CAMTA2: variants seen among roughly 807,000 people sequenced by gnomAD.
CAMTA2 encodes calmodulin-binding transcription activator 2.
Under a neutral mutation model 135.7 loss-of-function variants are expected in CAMTA2, and 56 were observed. The observed-to-expected ratio is 0.41, with a 90% CI of 0.33 to 0.52. The LOEUF (loss-of-function observed/expected upper bound fraction) is 0.52, where lower values mean the gene tolerates loss of function less well. CAMTA2 is among the 20% of genes least tolerant of loss of function. The pLI is 0.16. For synonymous variants in CAMTA2, 591 were observed against 604.6 expected (o/e 0.98, Z 0.33); for missense variants, 1,358 against 1,553.4 (o/e 0.87, Z 2.11).
intron 1 of CAMTA2, chr17:4,987,252 T>C: frequency 7.5e-7 from 1 of 1,339,334 alleles, no homozygotes; most frequent in Non-Finnish European, 9.5e-7. Context: ...CCCGGCGGAG[T>C]GGTGGTCCCA....
chr17:4,978,497 C>T lies in CAMTA2; in HGVS notation c.1765+7G>A, dbSNP rs775339524. 14 of 1,613,418 alleles carry T rather than the reference C, an allele frequency of 8.7e-6. No homozygotes were observed. Among genetic ancestry groups the T allele is most frequent in the Admixed American group, 1.7e-5 (1 of 59,968 alleles). Reference sequence around the variant, plus strand: ...GTCCCTCCCCCTACGGTTCCCAATCCTCATACCGGGACAGTAGCAGCGTAA... The same window carrying T: ...GTCCCTCCCCCTACGGTTCCCAATCTTCATACCGGGACAGTAGCAGCGTAA... On this transcript the variant is annotated splice_region_variant and intron_variant, in intron 10 of 22. Transcript: ENST00000348066.
chr17:4,977,990 G>A (rs1972719484), intron 10 of CAMTA2, among the ~76,000 whole-genome samples: 1 of 152,214 alleles, frequency 6.6e-6, no homozygotes, highest in Non-Finnish European at 1.5e-5. Context: ...AGTGAGACTG[G>A]GGAAGTGAAT....
chr17:4,983,168 G>T, intron 3 of CAMTA2, 125 bp from the exon 4 acceptor site: 1 of 793,306 alleles, frequency 1.3e-6, no homozygotes, highest in Non-Finnish European at 2.2e-6. Flanking sequence ...ATGCTTCTAG[G>T]TATCTGGACC....
Position 4,972,365 on chromosome 17 carries a change from G to A in CAMTA2, c.2675C>T (p.Pro892Leu). ...AGCCTCATAGTCCATGAGGAGTAGG[G>A]GGGCTTCTGGGACACCAGAGGAAAG... ...GQLSSGVPEA[P>L]LLLMDYEATN... is the part of the protein sequence containing the mutation. Residue 892 changes from proline (P) to leucine (L), a missense_variant, in exon 16 of 23, where the codon CCC (proline) becomes CTC (leucine). By Grantham distance (98) the Pro-to-Leu change is moderately conservative (BLOSUM62 -3). This residue lies in a region of CAMTA2 where 1,077 missense variants were observed against 1,127.5 expected (regional missense o/e 0.96). Coordinates refer to ENST00000348066, the MANE Select transcript of CAMTA2 (RefSeq NM_015099.4). 2 of 1,613,890 alleles carry A rather than the reference G, an allele frequency of 1.2e-6. No homozygotes were observed. The highest frequency in any genetic ancestry group is 1.7e-6 in the Non-Finnish European group (2 of 1,179,872).
intron 1 of CAMTA2, chr17:4,987,331 C>A: frequency 7.4e-7 from 1 of 1,345,002 alleles, no homozygotes; most frequent in Non-Finnish European, 9.5e-7. Context: ...GGAGCAGAGT[C>A]CGCGGGCACG....
At position 4,982,093 on chromosome 17, in the gene CAMTA2, A is replaced by C; in HGVS notation, c.407T>G (p.Leu136Arg). The C allele has an allele frequency of 6.2e-7, 1 of 1,611,178 alleles. No individual in the cohort carries two copies. Among genetic ancestry groups the C allele is most frequent in the South Asian group, 1.1e-5 (1 of 90,998 alleles). Residue 136 changes from leucine (L) to arginine (R), a missense_variant, in exon 6 of 23, where the codon CTC becomes CGC. Transcript: ENST00000348066. ...CCTGGGCTCTTCCGTCCTTACCTGGAGCAGCCAGTAGCAGCGCCGATGGAA... is the reference window on the plus strand; with the variant it reads ...CCTGGGCTCTTCCGTCCTTACCTGGCGCAGCCAGTAGCAGCGCCGATGGAA... ...PTFHRRCYWLLQNPDIVLVHY... is the reference protein window; with the variant it reads ...PTFHRRCYWLRQNPDIVLVHY...
chr17:4,983,093 A>C, intron 3 of CAMTA2, 50 bp from the exon 4 acceptor site: 4 of 1,493,088 alleles, frequency 2.7e-6, no homozygotes, highest in Non-Finnish European at 2.8e-6. Context: ...AGAGAGTCTC[A>C]GCCTGGCCTC....
Position 4,969,390 on chromosome 17 carries a change from A to G in CAMTA2, c.3283-53T>C. The G allele has an allele frequency of 6.2e-7, 1 of 1,609,884 alleles. No homozygotes were observed. The highest frequency in any genetic ancestry group is 8.5e-7 in the Non-Finnish European group (1 of 1,176,100). On this transcript the variant is annotated intron_variant, in intron 20 of 22. Transcript: ENST00000348066. This position sits in a 1 kb window ranked among gnomAD's most constrained non-coding sequence, Gnocchi z 5.6. ...GCTGAAATAGAGGGACGGAGACCCA[A>G]AGCCCTGAGGCTCACCCAAGTTAGG...
intron 13 of CAMTA2, 152 bp from the exon 14 acceptor site, chr17:4,973,405 A>G (rs1972425417): frequency 2.3e-6 from 2 of 863,746 alleles, no homozygotes; most frequent in Admixed American, 2.1e-5. Flanking sequence ...CAAGAAGTCA[A>G]AGTGTTGTAA....
chr17:4,968,327 G>A lies in CAMTA2; in HGVS notation c.*429C>T. 1 of 276,038 alleles carries A rather than the reference G, an allele frequency of 3.6e-6. No homozygotes were observed. The highest frequency in any genetic ancestry group is 4.7e-5 in the South Asian group (1 of 21,432). The allele number at this position is 276,038 out of a possible 1,614,324, so 17.1% of individuals were successfully genotyped here. On this transcript the variant is annotated 3_prime_UTR_variant, in exon 23 of 23. Coordinates refer to ENST00000348066, the MANE Select transcript of CAMTA2 (RefSeq NM_015099.4). Reference sequence around the variant, plus strand: ...AACAGACGCAAACATGCGGAGTCGGGTGGGGACACGGTCAGCCCTGAAACA... The same window carrying A: ...AACAGACGCAAACATGCGGAGTCGGATGGGGACACGGTCAGCCCTGAAACA...
chr17:4,970,617 T>C, intron 16 of CAMTA2, 81 bp from the exon 17 acceptor site: 1 of 1,182,448 alleles, frequency 8.5e-7, no homozygotes, highest in Non-Finnish European at 1.2e-6. Flanking sequence ...ATCTTGTTCC[T>C]TCTCTCCCTG....
chr17:4,972,999 AG>A lies in CAMTA2; in HGVS notation c.2281-9del. The A allele has an allele frequency of 6.2e-7, 1 of 1,608,506 alleles. No homozygotes were observed. The highest frequency in any genetic ancestry group is 8.5e-7 in the Non-Finnish European group (1 of 1,176,428). On this transcript the variant is annotated splice_polypyrimidine_tract_variant and intron_variant, in intron 14 of 22. Coordinates refer to ENST00000348066, the MANE Select transcript of CAMTA2 (RefSeq NM_015099.4). ...CAGGGCACAAGCCCACATCTGAGGA[AG>A]GGGGCGGGACAGGCGGAGACGGAGG...
At chr17:4,985,016 CA>C (rs565945709) in intron 3 of CAMTA2, among the ~76,000 whole-genome samples, 1 of 98,690 alleles carries the variant, frequency 1.0e-5, no homozygotes, top group African/African-American at 3.5e-5. Flanking sequence ...GACTCCATCT[CA>C]AAAAAAAAAC....
At position 4,968,955 on chromosome 17, in the gene CAMTA2, T is replaced by G. The variant is rs765205165; in HGVS notation, c.3497A>C (p.Asp1166Ala). The change falls in exon 22 of 23, where the codon GAC becomes GCC. Residue 1166 changes from aspartate to alanine, a missense_variant. Coordinates refer to ENST00000348066, the MANE Select transcript of CAMTA2 (RefSeq NM_015099.4). Reference protein sequence around the residue: ...NKGSFLTKKQDQAARKIMRFL... With the variant: ...NKGSFLTKKQAQAARKIMRFL... ...TCTCATGATCTTCCGGGCTGCCTGG[T>G]CCTGCTTCTTGGTGAGAAAGGAGCC... 1 of 1,614,122 alleles carries G rather than the reference T, an allele frequency of 6.2e-7. No individual in the cohort carries two copies. Among genetic ancestry groups the G allele is most frequent in the South Asian group, 1.1e-5 (1 of 91,078 alleles).
chr17:4,984,686 T>C (rs893250462), intron 3 of CAMTA2, among the ~76,000 whole-genome samples: 3 of 152,214 alleles, frequency 2.0e-5, no homozygotes, highest in Non-Finnish European at 4.4e-5. Context: ...ACACAAGGAC[T>C]GTGCCTCCTC....
intron 15 of CAMTA2, 68 bp downstream of exon 15, chr17:4,972,701 C>G (rs973960666): frequency 1.3e-6 from 2 of 1,512,780 alleles, no homozygotes; most frequent in Non-Finnish European, 1.8e-6. Flanking sequence ...TTCCCACACC[C>G]TTTGGCTTTG....
Position 4,968,540 on chromosome 17 carries a change from T to C in CAMTA2, c.*216A>G, listed in dbSNP as rs1193700693. 5 of 600,080 alleles carry C rather than the reference T, an allele frequency of 8.3e-6. No individual in the cohort carries two copies. The highest frequency in any genetic ancestry group is 1.2e-5 in the Non-Finnish European group (4 of 337,030). 37.2% of individuals were successfully genotyped at this position (600,080 alleles called of 1,614,324 possible). A position where few individuals can be genotyped will look rare whatever the true frequency, so the allele number is the denominator to read the frequency against. On this transcript the variant is annotated 3_prime_UTR_variant, in exon 23 of 23. Transcript: ENST00000348066. ...ATGCAGGTATGTGGGGCGCGGGTTTTCTGGAGCCAGGACCAAAAGAGACGG... is the reference window on the plus strand; with the variant it reads ...ATGCAGGTATGTGGGGCGCGGGTTTCCTGGAGCCAGGACCAAAAGAGACGG...
Position 4,980,700 on chromosome 17 carries a change from T to C in CAMTA2, c.701-79A>G. The stretch of plus-strand genomic sequence containing the variant: ...TTCTCTACCTTGAGGCCCTTAAAAG[T>C]ATTTCCTGGGACGTCCCTATAAACC... On this transcript the variant is annotated intron_variant, in intron 8 of 22. Transcript: ENST00000348066. This position sits in a 1 kb window ranked among gnomAD's most constrained non-coding sequence, Gnocchi z 5.3. The C allele has an allele frequency of 1.8e-6, 2 of 1,117,578 alleles. No individual in the cohort carries two copies. The highest frequency in any genetic ancestry group is 4.7e-5 in the East Asian group (2 of 42,588). 69.2% of individuals were successfully genotyped at this position (1,117,578 alleles called of 1,614,324 possible).
rs1437583257 is a variant in CAMTA2 at position 4,969,890 on chromosome 17, C to A, written c.3189+12G>T. ...AGATTGTGTAATTCATCCTGAGACC[C>A]CTGCCCCTGACCTTGTACTTTCGGA... On this transcript the variant is annotated intron_variant, in intron 18 of 22. Transcript: ENST00000348066. The surrounding 1 kb of genome is among the most constrained non-coding windows in gnomAD (Gnocchi z 5.6). 1 of 1,613,310 alleles carries A rather than the reference C, an allele frequency of 6.2e-7. No individual in the cohort carries two copies. The highest frequency in any genetic ancestry group is 8.5e-7 in the Non-Finnish European group (1 of 1,179,334).
Sources: gnomAD v4.1 joint callset for allele counts (sites outside exome capture counted in the v4.1 genomes callset) on GRCh38, gnomAD v4.1.1 for gene constraint, gnomAD v4.1.1 regional missense constraint, Gnocchi (gnomAD v3.1) non-coding constraint, MANE v1.5 for transcripts, NCBI Gene and HGNC (gene_info 2026-07-23, HGNC 2026-07-21) for gene names.